PLCB1: variants seen among roughly 807,000 people sequenced by gnomAD.
The protein encoded by PLCB1 is phospholipase C beta 1.
A neutral mutation model predicts 161.8 loss-of-function variants in PLCB1; 46 were observed. That is an observed-to-expected ratio of 0.28 (90% confidence interval 0.22 to 0.36). PLCB1 has a LOEUF of 0.36. PLCB1 is among the 10% of genes least tolerant of loss of function. The pLI, the probability that PLCB1 is intolerant of heterozygous loss-of-function variation, is 1.00. For synonymous variants in PLCB1, 517 were observed against 503.7 expected (o/e 1.03, Z -0.35); for missense variants, 1,016 against 1,472.5 (o/e 0.69, Z 5.07).
chr20:8,486,218 G>A (rs925337197), intron 3 of PLCB1, among the ~76,000 whole-genome samples: 1 of 152,078 alleles, frequency 6.6e-6, no homozygotes, highest in Admixed American at 6.5e-5. Context: ...TTTGGGTGGG[G>A]ACATAGCCAA....
chr20:8,831,957 T>G (rs1180613521), intron 31 of PLCB1, among the ~76,000 whole-genome samples: 2 of 121,792 alleles, frequency 1.6e-5, no homozygotes, highest in African/African-American at 3.1e-5. Flanking sequence ...TTTCTTTCTT[T>G]CTTTCTTTCT....
intron 27 of PLCB1, among the ~76,000 whole-genome samples, chr20:8,775,408 C>T (rs943542375): frequency 7.9e-5 from 12 of 152,036 alleles, no homozygotes; most frequent in African/African-American, 2.9e-4. Flanking sequence ...ATGCCAAAAC[C>T]AAAGAAATAA....
intron 2 of PLCB1, among the ~76,000 whole-genome samples, chr20:8,277,087 A>G (rs1342899871): frequency 6.6e-6 from 1 of 150,592 alleles, no homozygotes; most frequent in Non-Finnish European, 1.5e-5. Context: ...TGCAGCCTCC[A>G]CCTCCTGGGT....
intron 2 of PLCB1, among the ~76,000 whole-genome samples, chr20:8,257,473 A>G (rs1013259482): frequency 4.6e-5 from 7 of 152,188 alleles, no homozygotes; most frequent in African/African-American, 1.7e-4. Flanking sequence ...TGAGAGAGAT[A>G]ATATTACAAA....
intron 31 of PLCB1, among the ~76,000 whole-genome samples, chr20:8,842,020 T>C (rs1986521851): frequency 6.6e-6 from 1 of 151,242 alleles, no homozygotes; most frequent in Non-Finnish European, 1.5e-5. Flanking sequence ...TTAATAATCT[T>C]TGCCTATAGG....
intron 2 of PLCB1, among the ~76,000 whole-genome samples, chr20:8,276,986 C>CTTCTTATTATTATTA (rs869194352): frequency 1.1e-3 from 105 of 93,332 alleles, no homozygotes; most frequent in East Asian, 1.4e-3. Context: ...TCTTCTTCTT[C>CTTCTTATTATTATTA]TTATTATTAT....
intron 29 of PLCB1, among the ~76,000 whole-genome samples, chr20:8,789,300 G>C (rs954200170): frequency 1.4e-4 from 22 of 152,184 alleles, no homozygotes. Context: ...GATGGCTTCA[G>C]CATGGGAGGT....
intron 2 of PLCB1, among the ~76,000 whole-genome samples, chr20:8,189,220 G>T (rs1486363952): frequency 6.6e-6 from 1 of 151,224 alleles, no homozygotes; most frequent in Non-Finnish European, 1.5e-5. Flanking sequence ...CGAGATTTTT[G>T]CTAAGTGAAT....
At chr20:8,376,801 G>A (rs923374823) in intron 3 of PLCB1, among the ~76,000 whole-genome samples, 32 of 151,960 alleles carry the variant, frequency 2.1e-4, no homozygotes, top group African/African-American at 1.9e-4. Context: ...GGTGGCAGGC[G>A]CCTGTAGTCC....
At chr20:8,204,632 T>G (rs894126666) in intron 2 of PLCB1, among the ~76,000 whole-genome samples, 12 of 151,954 alleles carry the variant, frequency 7.9e-5, no homozygotes, top group Admixed American at 7.9e-4. Context: ...CCACCATGAT[T>G]GAAAGCTCCC....
intron 3 of PLCB1, among the ~76,000 whole-genome samples, chr20:8,381,392 C>T (rs947062275): frequency 6.6e-6 from 1 of 152,084 alleles, no homozygotes; most frequent in African/African-American, 2.4e-5. Flanking sequence ...GGATATTGGC[C>T]TGAAGTTTTT....
intron 3 of PLCB1, among the ~76,000 whole-genome samples, chr20:8,618,482 G>A (rs144791826): frequency 6.6e-6 from 1 of 151,742 alleles, no homozygotes; most frequent in African/African-American, 2.4e-5. Context: ...GAGCAACACA[G>A]TGAGACCCCA....
At chr20:8,828,116 C>T (rs1306809366) in intron 31 of PLCB1, among the ~76,000 whole-genome samples, 2 of 152,238 alleles carry the variant, frequency 1.3e-5, no homozygotes, top group East Asian at 3.9e-4. Flanking sequence ...AGAATTCATG[C>T]CCAGATTTGA....
At chr20:8,504,265 C>T (rs1341646656) in intron 3 of PLCB1, among the ~76,000 whole-genome samples, 1 of 152,036 alleles carries the variant, frequency 6.6e-6, no homozygotes, top group Non-Finnish European at 1.5e-5. Context: ...AAGCATATGA[C>T]GAATCACACA....
At chr20:8,879,294 G>A (rs1383294683) in intron 31 of PLCB1, among the ~76,000 whole-genome samples, 1 of 114,536 alleles carries the variant, frequency 8.7e-6, no homozygotes, top group African/African-American at 4.2e-5. Context: ...ACTTTTTGAT[G>A]TGAAAAAAAA....
chr20:8,792,769 A>C (rs1983826513), intron 31 of PLCB1: 1 of 384,062 alleles, frequency 2.6e-6, no homozygotes, highest in African/African-American at 2.1e-5. Flanking sequence ...TTATTAATAA[A>C]ATAATAAATC....
At chr20:8,705,786 GA>G (rs1568567466) in intron 11 of PLCB1, among the ~76,000 whole-genome samples, 1 of 152,202 alleles carries the variant, frequency 6.6e-6, no homozygotes, top group African/African-American at 2.4e-5. Flanking sequence ...AGAGGGAGAG[GA>G]AAAAGAGATG....
chr20:8,364,357 C>G (rs1282011845), intron 2 of PLCB1, among the ~76,000 whole-genome samples: 4 of 152,320 alleles, frequency 2.6e-5, no homozygotes, highest in Non-Finnish European at 2.9e-5. Flanking sequence ...GGATAACATT[C>G]AGACTGGAGA....
intron 3 of PLCB1, among the ~76,000 whole-genome samples, chr20:8,436,255 A>G (rs1448008938): frequency 6.6e-6 from 1 of 151,646 alleles, no homozygotes; most frequent in East Asian, 1.9e-4. Context: ...GAATCACTTT[A>G]ACCTGGAAGG....
Sources: gnomAD v4.1 joint callset for allele counts (sites outside exome capture counted in the v4.1 genomes callset) on GRCh38, gnomAD v4.1.1 for gene constraint, MANE v1.5 for transcripts, NCBI Gene and HGNC (gene_info 2026-07-23, HGNC 2026-07-21) for gene names.